The following E2F3 variants were observed in gnomAD, a reference collection of about 807,000 sequenced individuals.
The protein encoded by E2F3 is E2F transcription factor 3.
E2F3 carries 11 observed loss-of-function variants against 44.4 expected under a neutral mutation model. The ratio of observed to expected loss-of-function variants is 0.25; its 90% CI spans 0.16 to 0.41. E2F3 has a LOEUF of 0.41. Ranked by LOEUF, E2F3 falls within the 10% of genes least tolerant of loss-of-function variation. The pLI is 1.00. For synonymous variants in E2F3, 249 were observed against 253.0 expected, an observed-to-expected ratio of 0.98 and a Z score of 0.15; for missense variants, 487 against 583.6, an observed-to-expected ratio of 0.83 and a Z score of 1.70.
intron 1 of E2F3, among the ~76,000 whole-genome samples, chr6:20,454,039 C>G (rs1385804253): frequency 6.6e-6 from 1 of 152,220 alleles, no homozygotes. Context: ...CAAGATTTAT[C>G]TTAAGACCCT....
intron 1 of E2F3, among the ~76,000 whole-genome samples, chr6:20,453,864 C>A (rs1242751131): frequency 6.6e-6 from 1 of 152,140 alleles, no homozygotes; most frequent in Non-Finnish European, 1.5e-5. Context: ...TGTGGGTCAC[C>A]ATTTTTTGGA....
intron 1 of E2F3, among the ~76,000 whole-genome samples, chr6:20,412,535 C>T (rs1048556210): frequency 1.3e-5 from 2 of 151,780 alleles, no homozygotes; most frequent in Admixed American, 6.6e-5. Context: ...GGGGAGATAA[C>T]AGGACCGAAG....
At chr6:20,437,814 T>G (rs557168028) in intron 1 of E2F3, 1 of 152,314 alleles carries the variant, frequency 6.6e-6, no homozygotes, top group South Asian at 2.1e-4. Flanking sequence ...TTTAACTGGT[T>G]AGGAAGCAGA....
chr6:20,446,230 T>C (rs1052318576), intron 1 of E2F3, among the ~76,000 whole-genome samples: 2 of 152,204 alleles, frequency 1.3e-5, no homozygotes, highest in African/African-American at 4.8e-5. Context: ...ATTAGACGGG[T>C]TGAAGTCTCT....
At chr6:20,445,013 T>C in intron 1 of E2F3, 1 of 928,746 alleles carries the variant, frequency 1.1e-6, no homozygotes, top group African/African-American at 1.8e-5. Context: ...TCTTTTGAAC[T>C]GAACTGCATT....
chr6:20,426,886 T>C (rs1240816555), intron 1 of E2F3, among the ~76,000 whole-genome samples: 1 of 152,244 alleles, frequency 6.6e-6, no homozygotes, highest in Non-Finnish European at 1.5e-5. Flanking sequence ...GTAGCTCCAC[T>C]GTGCTGATAT....
At chr6:20,481,939 C>A (rs1762237244) in intron 3 of E2F3, among the ~76,000 whole-genome samples, 1 of 152,106 alleles carries the variant, frequency 6.6e-6, no homozygotes, top group African/African-American at 2.4e-5. Context: ...TCCATTTCGT[C>A]TGTAGAGCAG....
intron 1 of E2F3, among the ~76,000 whole-genome samples, chr6:20,461,532 C>A (rs1298540393): frequency 6.6e-6 from 1 of 152,154 alleles, no homozygotes; most frequent in Non-Finnish European, 1.5e-5. Context: ...TTGTTTTTTC[C>A]ACTACATTTC....
chr6:20,463,814 C>A (rs1761609609), intron 1 of E2F3, among the ~76,000 whole-genome samples: 2 of 152,196 alleles, frequency 1.3e-5, no homozygotes, highest in Non-Finnish European at 2.9e-5. Flanking sequence ...TCAGATCCCA[C>A]AGGTTGAAGG....
At chr6:20,453,342 A>G (rs1288558899) in intron 1 of E2F3, among the ~76,000 whole-genome samples, 1 of 152,080 alleles carries the variant, frequency 6.6e-6, no homozygotes, top group Admixed American at 6.6e-5. Context: ...TACTTTTTTT[A>G]CATTTAAATA....
intron 1 of E2F3, among the ~76,000 whole-genome samples, chr6:20,436,445 G>A (rs1045605623): frequency 1.4e-5 from 2 of 147,108 alleles, no homozygotes; most frequent in Admixed American, 1.4e-4. Flanking sequence ...TAGCTGATGA[G>A]CTAGGAAACA....
chr6:20,484,415 T>A (rs1272293650), intron 4 of E2F3, among the ~76,000 whole-genome samples: 1 of 152,250 alleles, frequency 6.6e-6, no homozygotes, highest in East Asian at 1.9e-4. Flanking sequence ...GTTTTTCTTT[T>A]ACACTTGATC....
chr6:20,404,333 C>T (rs1382854924), intron 1 of E2F3, among the ~76,000 whole-genome samples: 2 of 152,168 alleles, frequency 1.3e-5, no homozygotes, highest in Non-Finnish European at 2.9e-5. Flanking sequence ...AGAAGTGTGG[C>T]CCGGAGGTCT....
chr6:20,429,624 A>T (rs962289338), intron 1 of E2F3, among the ~76,000 whole-genome samples: 1 of 152,218 alleles, frequency 6.6e-6, no homozygotes, highest in Non-Finnish European at 1.5e-5. Flanking sequence ...GAGAAGGACA[A>T]AGTTGGAGAG....
chr6:20,421,237 T>A (rs1244536105), intron 1 of E2F3, among the ~76,000 whole-genome samples: 1 of 152,212 alleles, frequency 6.6e-6, no homozygotes, highest in African/African-American at 2.4e-5. Flanking sequence ...GAACTTCTGT[T>A]AATATTGATA....
chr6:20,467,516 T>G (rs1761753521), intron 1 of E2F3, among the ~76,000 whole-genome samples: 1 of 152,160 alleles, frequency 6.6e-6, no homozygotes, highest in Non-Finnish European at 1.5e-5. Context: ...TTTCAATGGC[T>G]TCTTGATTTT....
chr6:20,402,895 CCTT>C lies in E2F3; in HGVS notation c.393+274_393+276del, dbSNP rs2127581614. 6.6e-6 allele frequency among the ~76,000 whole-genome samples: 1 copy of C among 152,286 alleles called. No homozygotes were observed. The highest frequency in any genetic ancestry group is 2.1e-4 in the South Asian group (1 of 4,826). On this transcript the variant is annotated intron_variant, in intron 1 of 6. Coordinates refer to ENST00000346618, the MANE Select transcript of E2F3 (RefSeq NM_001949.5). The surrounding 1 kb of genome is among the most constrained non-coding windows in gnomAD (Gnocchi z 5.6). ...CACTCCAAAACTTTTCGCGGCCCCC[CCTT>C]CTTTTCCTGCACTTTTCCCTACCCC...
At chr6:20,485,688 T>C (rs2127624983) in intron 4 of E2F3, among the ~76,000 whole-genome samples, 1 of 152,364 alleles carries the variant, frequency 6.6e-6, no homozygotes, top group African/African-American at 2.4e-5. Flanking sequence ...TGGAAACTGC[T>C]TTCTTCCTCA....
At chr6:20,465,358 C>T (rs1266030579) in intron 1 of E2F3, among the ~76,000 whole-genome samples, 1 of 152,196 alleles carries the variant, frequency 6.6e-6, no homozygotes, top group Non-Finnish European at 1.5e-5. Context: ...CCCTTTATGT[C>T]GAGAGACCAG....
Sources: gnomAD v4.1 joint callset for allele counts (sites outside exome capture counted in the v4.1 genomes callset) on GRCh38, gnomAD v4.1.1 for gene constraint, Gnocchi (gnomAD v3.1) non-coding constraint, MANE v1.5 for transcripts, NCBI Gene and HGNC (gene_info 2026-07-23, HGNC 2026-07-21) for gene names.